The following RNF150 variants were observed in gnomAD, a reference collection of about 807,000 sequenced individuals.
RNF150 encodes ring finger protein 150.
RNF150 carries 24 observed loss-of-function variants against 39.3 expected under a neutral mutation model. The observed-to-expected ratio is 0.61, with a 90% CI of 0.44 to 0.86. The LOEUF (loss-of-function observed/expected upper bound fraction) is 0.86, where lower values mean the gene tolerates loss of function less well. Ranked by LOEUF, RNF150 falls within the 40% of genes least tolerant of loss-of-function variation. The pLI is 0.00. For missense variants in RNF150, 502 were observed against 587.8 expected, an observed-to-expected ratio of 0.85 and a Z score of 1.51; for synonymous variants, 255 against 227.3, an observed-to-expected ratio of 1.12 and a Z score of -1.10.
chr4:141,212,320 C>T (rs994272403), intron 1 of RNF150, among the ~76,000 whole-genome samples: 8 of 152,078 alleles, frequency 5.3e-5, no homozygotes, highest in African/African-American at 1.9e-4. Context: ...TCTCAGTAAA[C>T]CTAGGAAGAA....
chr4:141,078,728 T>A (rs2110971436), intron 1 of RNF150, among the ~76,000 whole-genome samples: 1 of 143,588 alleles, frequency 7.0e-6, no homozygotes, highest in South Asian at 2.2e-4. Flanking sequence ...CGGTGGAGCT[T>A]GCAGTGAGCC....
In RNF150 at chr4:140,949,358, A is replaced by T; in HGVS notation, c.750T>A (p.Asp250Glu). The change falls in exon 3 of 7, where the codon GAT becomes GAA. Residue 250 changes from aspartate (D) to glutamate (E), a missense_variant. Transcript: ENST00000515673. ...GTTTGCTGATGGCTTTCTTTGCTGCATCCCCCAGTCGGCGCTGAAAAGCCA... is the reference window on the plus strand; with the variant it reads ...GTTTGCTGATGGCTTTCTTTGCTGCTTCCCCCAGTCGGCGCTGAAAAGCCA... ...ARDRNQRRLG[D>E]AAKKAISKLQ... 2 of 1,613,276 alleles carry T rather than the reference A, an allele frequency of 1.2e-6. No homozygotes were observed. The highest frequency in any genetic ancestry group is 1.7e-6 in the Non-Finnish European group (2 of 1,179,524).
At chr4:140,924,055 AGC>A (rs1273664704) in intron 5 of RNF150, among the ~76,000 whole-genome samples, 7 of 152,278 alleles carry the variant, frequency 4.6e-5, no homozygotes, top group African/African-American at 1.7e-4. Flanking sequence ...ACACCAACAT[AGC>A]ACATGTATAC....
intron 4 of RNF150, among the ~76,000 whole-genome samples, chr4:140,946,451 CTACTT>C (rs1022957647): frequency 1.8e-4 from 27 of 151,886 alleles, no homozygotes; most frequent in African/African-American, 5.6e-4. Context: ...ATATGTTTTC[CTACTT>C]TACTTTTAAA....
rs577776392 is a variant in RNF150 at position 141,009,996 on chromosome 4, T to A, written c.485-42123A>T. On this transcript the variant is annotated intron_variant, in intron 1 of 6. Coordinates refer to ENST00000515673, the MANE Select transcript of RNF150 (RefSeq NM_020724.2). ...GAGACTGCTGGATGCCTGTGAGAAA[T>A]GTTACTTGATGTGTTTGCTTTCCTA... Among the ~76,000 whole-genome samples the A allele has an allele frequency of 5.3e-5, 8 of 152,278 alleles. No individual in the cohort carries two copies. In the South Asian group the frequency reaches 1.7e-3, roughly 32 times the overall value.
intron 5 of RNF150, 96 bp downstream of exon 5, chr4:140,925,881 G>T: frequency 1.2e-6 from 1 of 827,624 alleles, no homozygotes; most frequent in Non-Finnish European, 2.1e-6. Flanking sequence ...GTGTGACTGA[G>T]GGGACACAGA....
chr4:140,938,513 G>A (rs992326071), intron 4 of RNF150, among the ~76,000 whole-genome samples: 4 of 152,132 alleles, frequency 2.6e-5, no homozygotes, highest in Admixed American at 1.3e-4. Flanking sequence ...TACCAGGGGC[G>A]TTTCCGTCCA....
At position 140,883,526 on chromosome 4, in the gene RNF150, G is replaced by A. The variant is rs76623433; in HGVS notation, c.1199-15147C>T. Among the ~76,000 whole-genome samples the A allele has an allele frequency of 1.7e-3, 254 of 152,016 alleles. 1 individual carries two copies. The highest frequency in any genetic ancestry group is 5.9e-3 in the African/African-American group (243 of 41,524). On this transcript the variant is annotated intron_variant, in intron 6 of 6. Transcript: ENST00000515673. ...AAGTCTTTATTTCCCCTTCAGTTTT[G>A]AGGACAGTTTTTCAGTATATAGTAT... is the stretch of plus-strand genomic sequence containing the variant.
rs1560934737 is a variant in RNF150 at position 140,861,013 on chromosome 4, T to C, written c.*7248A>G. On this transcript the variant is annotated 3_prime_UTR_variant, in exon 7 of 7. Transcript: ENST00000515673. ...ATACAAAATTATTTCATTTTCTAAATGTAAGGGACACCCCTCTATAAAAAT... is the reference window on the plus strand; with the variant it reads ...ATACAAAATTATTTCATTTTCTAAACGTAAGGGACACCCCTCTATAAAAAT... 1 of 152,136 alleles carries C rather than the reference T, an allele frequency of 6.6e-6. No homozygotes were observed. Among genetic ancestry groups the C allele is most frequent in the Non-Finnish European group, 1.5e-5 (1 of 68,030 alleles). 9.4% of individuals were successfully genotyped at this position (152,136 alleles called of 1,614,324 possible).
In RNF150 at chr4:140,864,721, G is replaced by T. The variant is rs978336427; in HGVS notation, c.*3540C>A. The stretch of plus-strand genomic sequence containing the variant: ...GTGATTTCAGTCTGGAGTTCTCTTT[G>T]GCTCCTAAGTGCCACATATCAGTCC... On this transcript the variant is annotated 3_prime_UTR_variant, in exon 7 of 7. Transcript: ENST00000515673. The T allele has an allele frequency of 3.9e-5, 6 of 152,142 alleles. No homozygotes were observed. Among genetic ancestry groups the T allele is most frequent in the Non-Finnish European group, 8.8e-5 (6 of 68,054 alleles). 9.4% of individuals were successfully genotyped at this position (152,142 alleles called of 1,614,324 possible).
chr4:141,116,491 C>G (rs555711615), intron 1 of RNF150, among the ~76,000 whole-genome samples: 7 of 152,286 alleles, frequency 4.6e-5, no homozygotes, highest in Non-Finnish European at 1.0e-4. Flanking sequence ...CAAGAAACAA[C>G]AGATGCTGGA....
chr4:140,995,318 C>T (rs1044385335), intron 1 of RNF150, among the ~76,000 whole-genome samples: 5 of 152,152 alleles, frequency 3.3e-5, no homozygotes, highest in African/African-American at 9.7e-5. Flanking sequence ...AGCAGAGGTA[C>T]GGCTCAGAGC....
intron 1 of RNF150, among the ~76,000 whole-genome samples, chr4:141,158,901 A>G (rs1333809142): frequency 6.6e-6 from 1 of 152,174 alleles, no homozygotes; most frequent in African/African-American, 2.4e-5. Flanking sequence ...TTAGTTCTTC[A>G]TTCCTTTTTG....
intron 1 of RNF150, among the ~76,000 whole-genome samples, chr4:141,092,955 T>A (rs922070036): frequency 6.6e-6 from 1 of 152,002 alleles, no homozygotes; most frequent in Non-Finnish European, 1.5e-5. Flanking sequence ...TCCACACAGG[T>A]AAGCTAAAAC....
rs779578419 is a variant in RNF150, at chr4:140,881,698, G to C, written c.1199-13319C>G. 1.6e-3 allele frequency among the ~76,000 whole-genome samples: 238 copies of C among 152,140 alleles called. 1 individual carries two copies. Among genetic ancestry groups the C allele is most frequent in the Non-Finnish European group, 7.5e-4 (51 of 67,994 alleles). Reference sequence around the variant, plus strand: ...GAGACCAGGCTGGGCAACATAATGAGACTATGTCTCTATGAAAAACCAAAC... The same window carrying C: ...GAGACCAGGCTGGGCAACATAATGACACTATGTCTCTATGAAAAACCAAAC... On this transcript the variant is annotated intron_variant, in intron 6 of 6. Transcript: ENST00000515673.
chr4:140,925,989 G>C lies in RNF150; in HGVS notation c.975C>G (p.Ala325=). 2 of 1,611,928 alleles carry C rather than the reference G, an allele frequency of 1.2e-6. No individual in the cohort carries two copies. The highest frequency in any genetic ancestry group is 1.7e-6 in the Non-Finnish European group (2 of 1,177,998). The part of the protein sequence containing the change: ...CPMCKMNILK[A]LGIPPNADCM... Reference sequence around the variant, plus strand: ...GTGCTGTGCTTACCGGGATCCCTAGGGCTTTAAGAATGTTCATCTTGCACA... The same window carrying C: ...GTGCTGTGCTTACCGGGATCCCTAGCGCTTTAAGAATGTTCATCTTGCACA... The change falls in exon 5 of 7, where the codon GCC becomes GCG. Residue 325 remains alanine, a synonymous_variant. Transcript: ENST00000515673.
intron 1 of RNF150, among the ~76,000 whole-genome samples, chr4:140,977,191 A>T (rs1733696684): frequency 6.6e-6 from 1 of 152,138 alleles, no homozygotes; most frequent in Non-Finnish European, 1.5e-5. Flanking sequence ...TTGTCTTACC[A>T]CTGCCAAATA....
rs75327911 is a variant in RNF150, at chr4:141,110,327, G to C, written c.484+21998C>G. Among the ~76,000 whole-genome samples the C allele has an allele frequency of 5.5e-3, 832 of 152,236 alleles. 46 individuals carry two copies. The East Asian group carries it at 0.11, about 21-fold the overall frequency. ...CATTTTCCCACCCTTTAAAGGATGAGAACTGCTCTTCTCTTTGTTTTGTAA... is the reference window on the plus strand; with the variant it reads ...CATTTTCCCACCCTTTAAAGGATGACAACTGCTCTTCTCTTTGTTTTGTAA... On this transcript the variant is annotated intron_variant, in intron 1 of 6. Coordinates refer to ENST00000515673, the MANE Select transcript of RNF150 (RefSeq NM_020724.2).
At chr4:141,005,582 G>A (rs1305643411) in intron 1 of RNF150, among the ~76,000 whole-genome samples, 2 of 152,006 alleles carry the variant, frequency 1.3e-5, no homozygotes, top group African/African-American at 4.8e-5. Context: ...GTGGTATGAG[G>A]GTCTATGCAC....
Sources: allele counts gnomAD v4.1 joint callset (sites outside exome capture counted in the v4.1 genomes callset), GRCh38; gene constraint gnomAD v4.1.1; transcripts MANE v1.5; gene names NCBI Gene and HGNC (gene_info 2026-07-23, HGNC 2026-07-21).